Variants in KCNMA1 observed in about 807,000 individuals in gnomAD.
KCNMA1 encodes the protein potassium calcium-activated channel subfamily M alpha 1.
Under a neutral mutation model 140.0 loss-of-function variants are expected in KCNMA1, and 29 were observed. The observed-to-expected ratio is 0.21, with a 90% CI of 0.15 to 0.28. The LOEUF is 0.28. Among genes scored for constraint, KCNMA1 ranks in the 10% least tolerant of loss-of-function variants. The probability of loss-of-function intolerance (pLI) is 1.00; values close to 1 mark genes in which losing one functional copy is unlikely to be tolerated. For synonymous variants in KCNMA1, 612 were observed against 611.9 expected (o/e 1.00, Z 0.00); for missense variants, 880 against 1,602.2 (o/e 0.55, Z 7.70).
At chr10:77,040,048 A>ATT (rs35787824) in intron 14 of KCNMA1, among the ~76,000 whole-genome samples, 15 of 143,550 alleles carry the variant, frequency 1.0e-4, no homozygotes, top group Non-Finnish European at 1.2e-4. Flanking sequence ...ACACCTGGCA[A>ATT]TTTTTTTTTT....
At chr10:77,516,390 T>G (rs899018204) in intron 1 of KCNMA1, among the ~76,000 whole-genome samples, 1 of 152,216 alleles carries the variant, frequency 6.6e-6, no homozygotes, top group Non-Finnish European at 1.5e-5. Flanking sequence ...TGTGCACTTA[T>G]GGCCACCTGG....
chr10:77,016,334 A>G (rs968809900), intron 17 of KCNMA1, among the ~76,000 whole-genome samples: 1 of 152,122 alleles, frequency 6.6e-6, no homozygotes, highest in Admixed American at 6.5e-5. Context: ...AAAAAACTGT[A>G]ATTCTTTCCT....
At chr10:77,083,581 T>C (rs1376582038) in intron 12 of KCNMA1, among the ~76,000 whole-genome samples, 1 of 151,028 alleles carries the variant, frequency 6.6e-6, no homozygotes, top group Non-Finnish European at 1.5e-5. Context: ...AATCCAGAGT[T>C]TTGGGATGCC....
chr10:76,929,862 T>C (rs1173333163), intron 23 of KCNMA1: 1 of 152,308 alleles, frequency 6.6e-6, no homozygotes, highest in East Asian at 1.9e-4. Flanking sequence ...TTGACAAGGA[T>C]GTCAAGAACA....
At chr10:77,219,145 G>T (rs1276109330) in intron 3 of KCNMA1, among the ~76,000 whole-genome samples, 1 of 152,160 alleles carries the variant, frequency 6.6e-6, no homozygotes, top group Non-Finnish European at 1.5e-5. Flanking sequence ...TGCCTCCAGA[G>T]CTTTTGCTTC....
intron 1 of KCNMA1, among the ~76,000 whole-genome samples, chr10:77,421,385 A>C (rs1323357546): frequency 6.6e-6 from 1 of 151,974 alleles, no homozygotes; most frequent in African/African-American, 2.4e-5. Flanking sequence ...CCTTCATAAC[A>C]CTCAAGGCAT....
At chr10:77,209,785 A>G (rs2045404793) in intron 3 of KCNMA1, among the ~76,000 whole-genome samples, 1 of 152,174 alleles carries the variant, frequency 6.6e-6, no homozygotes, top group Admixed American at 6.5e-5. Flanking sequence ...CTCTATGCAC[A>G]TAAATTAGGA....
intron 3 of KCNMA1, among the ~76,000 whole-genome samples, chr10:77,204,143 G>A (rs2043309722): frequency 6.6e-6 from 1 of 151,658 alleles, no homozygotes; most frequent in Non-Finnish European, 1.5e-5. Flanking sequence ...TAAATTATAT[G>A]ACAATTACAT....
At chr10:76,993,398 G>T (rs1176839994) in intron 19 of KCNMA1, among the ~76,000 whole-genome samples, 1 of 152,170 alleles carries the variant, frequency 6.6e-6, no homozygotes, top group Non-Finnish European at 1.5e-5. Context: ...ACCCAGCTAG[G>T]AATCACAATG....
At chr10:77,598,956 G>T (rs1482107807) in intron 1 of KCNMA1, among the ~76,000 whole-genome samples, 1 of 152,254 alleles carries the variant, frequency 6.6e-6, no homozygotes, top group Non-Finnish European at 1.5e-5. Flanking sequence ...AGAAGGTGGG[G>T]TGGGTAGAAA....
intron 1 of KCNMA1, among the ~76,000 whole-genome samples, chr10:77,454,107 T>G (rs540305720): frequency 1.4e-4 from 21 of 152,154 alleles, no homozygotes; most frequent in Non-Finnish European, 2.5e-4. Flanking sequence ...AGTACTAAGA[T>G]ATCCAGCAAC....
At position 77,411,072 on chromosome 10, in the gene KCNMA1, G is replaced by A. The variant is rs1374625842; in HGVS notation, c.379-7049C>T. Among the ~76,000 whole-genome samples the A allele has an allele frequency of 3.3e-5, 5 of 152,110 alleles. No homozygotes were observed. The East Asian group carries it at 5.8e-4, about 18-fold the overall frequency. On this transcript the variant is annotated intron_variant, in intron 1 of 27. Coordinates refer to ENST00000286628, the MANE Select transcript of KCNMA1 (RefSeq NM_001161352.2). ...GGCTGGAGTGCAGTGGCGTGATCTC[G>A]GCTCACTGCAACCTCTGCCTCCTGG...
chr10:77,264,081 T>G (rs953676253), intron 2 of KCNMA1, among the ~76,000 whole-genome samples: 2 of 152,184 alleles, frequency 1.3e-5, no homozygotes, highest in African/African-American at 4.8e-5. Context: ...TTCCCACTCC[T>G]ACAGCCTGGA....
intron 1 of KCNMA1, among the ~76,000 whole-genome samples, chr10:77,567,173 G>A (rs1036204726): frequency 2.1e-4 from 32 of 152,208 alleles, no homozygotes; most frequent in African/African-American, 7.7e-4. Flanking sequence ...CTACAGTAGA[G>A]TTCAAGCTCA....
chr10:77,359,822 G>T (rs543471899), intron 2 of KCNMA1, among the ~76,000 whole-genome samples: 1 of 152,282 alleles, frequency 6.6e-6, no homozygotes, highest in East Asian at 1.9e-4. Context: ...AAATAAATAA[G>T]CCAATCAATT....
chr10:77,572,605 A>ATATATATATATATATAC (rs2072036710), intron 1 of KCNMA1, among the ~76,000 whole-genome samples: 1 of 41,854 alleles, frequency 2.4e-5, no homozygotes, highest in Non-Finnish European at 4.7e-5. Flanking sequence ...TATATATATA[A>ATATATATATATATATAC]ATTAGCTGGG....
chr10:77,346,110 C>T (rs1254773048), intron 2 of KCNMA1, among the ~76,000 whole-genome samples: 1 of 152,216 alleles, frequency 6.6e-6, no homozygotes, highest in Non-Finnish European at 1.5e-5. Flanking sequence ...TGCTAGTCTT[C>T]ATGACGAACC....
At chr10:76,890,200 C>G (rs1376651655) in intron 26 of KCNMA1, among the ~76,000 whole-genome samples, 1 of 152,160 alleles carries the variant, frequency 6.6e-6, no homozygotes, top group Non-Finnish European at 1.5e-5. Context: ...CAGTTCACAG[C>G]CACCTTCCCG....
At chr10:77,260,297 T>A (rs978548803) in intron 2 of KCNMA1, among the ~76,000 whole-genome samples, 1 of 151,948 alleles carries the variant, frequency 6.6e-6, no homozygotes, top group African/African-American at 2.4e-5. Context: ...CTTAGATGGG[T>A]GACAGCATCA....
Sources: gnomAD v4.1 joint callset for allele counts (sites outside exome capture counted in the v4.1 genomes callset) on GRCh38, gnomAD v4.1.1 for gene constraint, MANE v1.5 for transcripts, NCBI Gene and HGNC (gene_info 2026-07-23, HGNC 2026-07-21) for gene names.